The following MACROD2 variants were observed in gnomAD, a reference collection of about 807,000 sequenced individuals.
MACROD2 encodes mono-ADP ribosylhydrolase 2, also known as ADP-ribose glycohydrolase MACROD2.
A neutral mutation model predicts 70.4 loss-of-function variants in MACROD2; 36 were observed. The observed-to-expected ratio is 0.51, with a 90% CI of 0.39 to 0.68. The LOEUF (loss-of-function observed/expected upper bound fraction) is 0.68, where lower values mean the gene tolerates loss of function less well. Among genes scored for constraint, MACROD2 ranks in the 30% least tolerant of loss-of-function variants. MACROD2 has a pLI of 0.00. For synonymous variants in MACROD2, 172 were observed against 178.8 expected, an observed-to-expected ratio of 0.96 and a Z score of 0.30; for missense variants, 496 against 538.4, an observed-to-expected ratio of 0.92 and a Z score of 0.78.
At chr20:14,606,357 G>C (rs897776015) in intron 4 of MACROD2, among the ~76,000 whole-genome samples, 2 of 152,036 alleles carry the variant, frequency 1.3e-5, no homozygotes, top group African/African-American at 2.4e-5. Context: ...TTCCTCATAG[G>C]ATTTTTGGGA....
intron 3 of MACROD2, among the ~76,000 whole-genome samples, chr20:14,426,017 T>C (rs2083928651): frequency 6.6e-6 from 1 of 152,220 alleles, no homozygotes; most frequent in Non-Finnish European, 1.5e-5. Flanking sequence ...TGGAAGCTTG[T>C]AGTACACTAG....
At chr20:15,546,521 AG>A (rs2048028502) in intron 8 of MACROD2, among the ~76,000 whole-genome samples, 1 of 152,190 alleles carries the variant, frequency 6.6e-6, no homozygotes, top group East Asian at 1.9e-4. Flanking sequence ...TTAAAAATGA[AG>A]TTGTTCTATC....
rs1353064450 is a variant in MACROD2 at position 14,044,873 on chromosome 20, G to A, written c.164-40748G>A. ...GGTCGATGGGACTGGGTGCCGTAGA[G>A]CAGGGAGTGGCGCTCGGGGAGGCTC... On this transcript the variant is annotated intron_variant, in intron 2 of 17. Transcript: ENST00000684519. Among the ~76,000 whole-genome samples the A allele has an allele frequency of 2.0e-5, 3 of 152,346 alleles. No homozygotes were observed. In the East Asian group the frequency reaches 5.8e-4, roughly 30 times the overall value.
intron 5 of MACROD2, among the ~76,000 whole-genome samples, chr20:15,133,023 C>G (rs2076118187): frequency 6.6e-6 from 1 of 152,034 alleles, no homozygotes; most frequent in Non-Finnish European, 1.5e-5. Context: ...GTATCCCTAT[C>G]TTAATTTCTA....
At chr20:15,195,665 C>T (rs2076601241) in intron 5 of MACROD2, among the ~76,000 whole-genome samples, 1 of 152,176 alleles carries the variant, frequency 6.6e-6, no homozygotes, top group Admixed American at 6.5e-5. Flanking sequence ...TTGTGGAAGA[C>T]AGTGTGGCGA....
intron 3 of MACROD2, among the ~76,000 whole-genome samples, chr20:14,445,550 C>G (rs2122969460): frequency 6.6e-6 from 1 of 152,216 alleles, no homozygotes; most frequent in East Asian, 1.9e-4. Flanking sequence ...GACTCATTCC[C>G]TTCCCCAGAA....
chr20:15,797,291 T>A (rs190360648), intron 8 of MACROD2, among the ~76,000 whole-genome samples: 1 of 152,074 alleles, frequency 6.6e-6, no homozygotes, highest in African/African-American at 2.4e-5. Flanking sequence ...TTTTTTTGTA[T>A]TTTTTAGTAG....
chr20:15,136,039 C>T (rs2076145023), intron 5 of MACROD2, among the ~76,000 whole-genome samples: 1 of 148,938 alleles, frequency 6.7e-6, no homozygotes, highest in South Asian at 2.2e-4. Context: ...GAACTACCAA[C>T]CACTGCTCAA....
rs115131535 is a variant in MACROD2, at chr20:14,219,854, T to C, written c.271+134126T>C. Among the ~76,000 whole-genome samples the C allele has an allele frequency of 7.0e-3, 1,063 of 152,312 alleles. 9 individuals carry two copies. Among genetic ancestry groups the C allele is most frequent in the African/African-American group, 0.024 (1,001 of 41,570 alleles). ...CTCTGGGCTGGTATTGGCACTTGTC[T>C]GCACAGAGTCCTGTGATACCAACCA... On this transcript the variant is annotated intron_variant, in intron 3 of 17. Coordinates refer to ENST00000684519, the MANE Select transcript of MACROD2 (RefSeq NM_001351661.2).
Position 15,890,053 on chromosome 20 carries a change from C to T in MACROD2, c.775+4242C>T, listed in dbSNP as rs369946024. Among the ~76,000 whole-genome samples the T allele has an allele frequency of 2.4e-4, 36 of 152,328 alleles. No homozygotes were observed. The East Asian group carries it at 4.2e-3, about 18-fold the overall frequency. Reference sequence around the variant, plus strand: ...TGACTTTCATTTGCATGCCCCAAAACACTTCACCTGTGGTATCATGAAATG... The same window carrying T: ...TGACTTTCATTTGCATGCCCCAAAATACTTCACCTGTGGTATCATGAAATG... On this transcript the variant is annotated intron_variant, in intron 10 of 17. Transcript: ENST00000684519.
At chr20:14,190,999 G>A (rs935669188) in intron 3 of MACROD2, among the ~76,000 whole-genome samples, 4 of 151,990 alleles carry the variant, frequency 2.6e-5, no homozygotes, top group South Asian at 4.2e-4. Context: ...GAGCCACCGC[G>A]CCTGGCCATA....
intron 4 of MACROD2, among the ~76,000 whole-genome samples, chr20:14,601,924 T>A (rs887059345): frequency 6.6e-6 from 1 of 152,220 alleles, no homozygotes; most frequent in Admixed American, 6.5e-5. Flanking sequence ...CTGGGTTACT[T>A]CTGTACCATA....
intron 15 of MACROD2, among the ~76,000 whole-genome samples, chr20:16,032,534 G>C (rs1489155698): frequency 6.6e-6 from 1 of 151,476 alleles, no homozygotes; most frequent in Admixed American, 6.6e-5. Context: ...AAAGAGGGGA[G>C]GGAAGGAGAA....
At chr20:14,918,951 C>T (rs1320073703) in intron 5 of MACROD2, among the ~76,000 whole-genome samples, 1 of 152,114 alleles carries the variant, frequency 6.6e-6, no homozygotes, top group Non-Finnish European at 1.5e-5. Flanking sequence ...CTCCCCCAAC[C>T]CCCTGAGACT....
At chr20:15,894,476 A>G (rs932212370) in intron 10 of MACROD2, among the ~76,000 whole-genome samples, 31 of 152,314 alleles carry the variant, frequency 2.0e-4, no homozygotes, top group African/African-American at 7.5e-4. Flanking sequence ...TCAGCTTGTT[A>G]TAGGATGAGC....
At chr20:14,069,121 T>C (rs1370778220) in intron 2 of MACROD2, among the ~76,000 whole-genome samples, 1 of 152,144 alleles carries the variant, frequency 6.6e-6, no homozygotes, top group Non-Finnish European at 1.5e-5. Flanking sequence ...GCTAACTTTG[T>C]ATTTTTAGTA....
intron 3 of MACROD2, among the ~76,000 whole-genome samples, chr20:14,304,847 T>G (rs1038416418): frequency 2.0e-5 from 3 of 152,272 alleles, no homozygotes; most frequent in African/African-American, 7.2e-5. Flanking sequence ...AAATTTTGAT[T>G]TAAACTTGAT....
At chr20:14,290,480 T>A (rs993153636) in intron 3 of MACROD2, among the ~76,000 whole-genome samples, 2 of 150,362 alleles carry the variant, frequency 1.3e-5, no homozygotes, top group Non-Finnish European at 2.9e-5. Context: ...AGGGATGGAA[T>A]CTCAGGAGAC....
At chr20:14,687,446 T>C (rs926655950) in intron 5 of MACROD2, among the ~76,000 whole-genome samples, 1 of 152,172 alleles carries the variant, frequency 6.6e-6, no homozygotes, top group Admixed American at 6.5e-5. Context: ...TTTAGGGTTA[T>C]TGAAGACTTG....
Sources: gnomAD v4.1 joint callset for allele counts (sites outside exome capture counted in the v4.1 genomes callset) on GRCh38, gnomAD v4.1.1 for gene constraint, MANE v1.5 for transcripts, NCBI Gene and HGNC (gene_info 2026-07-23, HGNC 2026-07-21) for gene names.